MICAL3: variants seen among roughly 807,000 people sequenced by gnomAD.
The protein encoded by MICAL3 is [F-actin]-monooxygenase MICAL3.
Under a neutral mutation model 207.4 loss-of-function variants are expected in MICAL3, and 62 were observed. The observed-to-expected ratio is 0.30, with a 90% CI of 0.24 to 0.37. MICAL3 has a LOEUF of 0.37. MICAL3 is among the 10% of genes least tolerant of loss of function. The probability of loss-of-function intolerance (pLI) is 1.00; values close to 1 mark genes in which losing one functional copy is unlikely to be tolerated. For missense variants in MICAL3, 2,368 were observed against 2,635.6 expected (o/e 0.90, Z 2.22); for synonymous variants, 1,077 against 1,069.3 (o/e 1.01, Z -0.14).
At chr22:17,791,966 G>A (rs1235607783) in intron 29 of MICAL3, among the ~76,000 whole-genome samples, 2 of 152,242 alleles carry the variant, frequency 1.3e-5, no homozygotes, top group South Asian at 2.1e-4. Context: ...AGCAGCCCCT[G>A]GGGATGGAAG....
chr22:17,966,598 T>C (rs1935154258), intron 1 of MICAL3, among the ~76,000 whole-genome samples: 1 of 152,192 alleles, frequency 6.6e-6, no homozygotes, highest in South Asian at 2.1e-4. Flanking sequence ...GGAGTTGGAC[T>C]GAGATTAATC....
intron 1 of MICAL3, among the ~76,000 whole-genome samples, chr22:17,958,536 C>T (rs1208413552): frequency 6.6e-6 from 1 of 152,108 alleles, no homozygotes; most frequent in Non-Finnish European, 1.5e-5. Context: ...TCCCCTACCC[C>T]AAAAACCAGA....
intron 1 of MICAL3, among the ~76,000 whole-genome samples, chr22:17,964,972 A>C (rs1185796468): frequency 6.6e-6 from 1 of 152,078 alleles, no homozygotes; most frequent in East Asian, 1.9e-4. Context: ...ACACTCCAAA[A>C]CAGAAACGCC....
At position 17,810,808 on chromosome 22, in the gene MICAL3, T is replaced by C. The variant is rs202024301; in HGVS notation, c.5451A>G (p.Arg1817=). 6.2e-7 allele frequency: 1 copy of C among 1,613,680 alleles called. No homozygotes were observed. Among genetic ancestry groups the C allele is most frequent in the Admixed American group, 1.7e-5 (1 of 60,012 alleles). Reference sequence around the variant, plus strand: ...CATTCAGTTCCTCCTCCGTGTAGGTTCTTGGCTGGAGAGAACAAGAGAAAC... The same window carrying C: ...CATTCAGTTCCTCCTCCGTGTAGGTCCTTGGCTGGAGAGAACAAGAGAAAC... The part of the protein sequence containing the change: ...KSSQKSRREP[R]TYTEEELNAK... The change falls in exon 28 of 32, where the codon AGA becomes AGG. Residue 1817 remains arginine (R), a synonymous_variant. Coordinates refer to ENST00000441493, the MANE Select transcript of MICAL3 (RefSeq NM_015241.3).
chr22:17,811,504 G>C (rs976593760), intron 27 of MICAL3: 1 of 152,364 alleles, frequency 6.6e-6, no homozygotes, highest in African/African-American at 2.4e-5. Context: ...GAAGAAGAGA[G>C]GTTGTGGCCT....
chr22:18,011,995 A>T lies in MICAL3; in HGVS notation c.-75+12286T>A, dbSNP rs529301234. On this transcript the variant is annotated intron_variant, in intron 1 of 31. Transcript: ENST00000441493. Reference sequence around the variant, plus strand: ...CACACCTGTAATCCTAGCACTTTGAAAGGCCAAGGTGGGCAGATCACCTGA... The same window carrying T: ...CACACCTGTAATCCTAGCACTTTGATAGGCCAAGGTGGGCAGATCACCTGA... Among the ~76,000 whole-genome samples, 289 of 151,954 alleles carry T rather than the reference A, an allele frequency of 1.9e-3. 1 individual carries two copies. The highest frequency in any genetic ancestry group is 3.1e-3 in the Non-Finnish European group (209 of 67,942).
At chr22:17,815,081 T>C (rs2062090361) in intron 27 of MICAL3, 1 of 152,294 alleles carries the variant, frequency 6.6e-6, no homozygotes. Context: ...TAGTATTCCG[T>C]ATGTGACGTC....
At chr22:17,811,745 C>G (rs559504755) in intron 27 of MICAL3, among the ~76,000 whole-genome samples, 1 of 152,168 alleles carries the variant, frequency 6.6e-6, no homozygotes, top group Non-Finnish European at 1.5e-5. Flanking sequence ...AACAAGGAGA[C>G]TATATAAAAG....
At position 17,886,109 on chromosome 22, in the gene MICAL3, C is replaced by T. The variant is rs958136986; in HGVS notation, c.2068-58G>A. ...TGTGACAGGAGGCTCCCCCCATGCC[C>T]CTCCCTCACAGAAGTGCACTCAGGA... On this transcript the variant is annotated intron_variant, in intron 15 of 31. Transcript: ENST00000441493. The T allele has an allele frequency of 8.8e-6, 14 of 1,586,016 alleles. No individual in the cohort carries two copies. In the South Asian group the frequency reaches 1.1e-4, roughly 13 times the overall value.
At chr22:17,934,631 T>G (rs1283155924) in intron 1 of MICAL3, among the ~76,000 whole-genome samples, 1 of 152,082 alleles carries the variant, frequency 6.6e-6, no homozygotes, top group Non-Finnish European at 1.5e-5. Context: ...GAGAAAGAAA[T>G]AAAGGGTATT....
intron 1 of MICAL3, among the ~76,000 whole-genome samples, chr22:17,968,376 C>A (rs1392402684): frequency 3.9e-5 from 6 of 152,154 alleles, no homozygotes; most frequent in Non-Finnish European, 1.5e-5. Context: ...GGTGAGGACA[C>A]TCCACGGGGG....
In MICAL3 at chr22:17,889,377, T is replaced by C. The variant is rs1360775216; in HGVS notation, c.1695-147A>G. 3 of 529,298 alleles carry C rather than the reference T, an allele frequency of 5.7e-6. No homozygotes were observed. In the East Asian group the frequency reaches 9.3e-5, roughly 16 times the overall value. 32.8% of individuals were successfully genotyped at this position (529,298 alleles called of 1,614,324 possible). A position where few individuals can be genotyped will look rare whatever the true frequency, so the allele number is the denominator to read the frequency against. ...CTGACATTTGAGAGCAAACCTGTCT[T>C]ATCTCACCTCTTGTTCTTTTTCTTT... On this transcript the variant is annotated intron_variant, in intron 12 of 31. Transcript: ENST00000441493.
At chr22:17,985,775 C>T (rs1920977161) in intron 1 of MICAL3, among the ~76,000 whole-genome samples, 1 of 152,152 alleles carries the variant, frequency 6.6e-6, no homozygotes, top group South Asian at 2.1e-4. Flanking sequence ...TCAGAGTCTG[C>T]AGAGGCCACT....
Position 17,818,333 on chromosome 22 carries a change from T to A in MICAL3, c.4328A>T (p.Gln1443Leu). The change falls in exon 26 of 32, where the codon CAG becomes CTG. Residue 1443 changes from glutamine to leucine, a missense_variant. Gln to Leu is a moderately radical substitution (Grantham distance 113, BLOSUM62 -2). Coordinates refer to ENST00000441493, the MANE Select transcript of MICAL3 (RefSeq NM_015241.3). ...GGCGGAGTCCGAGGTGTTGAAGCTCTGGCTGCCCAGTGTCTTCATGTTGGA... is the reference window on the plus strand; with the variant it reads ...GGCGGAGTCCGAGGTGTTGAAGCTCAGGCTGCCCAGTGTCTTCATGTTGGA... ...SSSNMKTLGS[Q>L]SFNTSDSAML... 6.3e-7 allele frequency: 1 copy of A among 1,588,238 alleles called. No individual in the cohort carries two copies. Among genetic ancestry groups the A allele is most frequent in the Non-Finnish European group, 8.5e-7 (1 of 1,170,466 alleles).
At chr22:17,989,900 C>A (rs1385606272) in intron 1 of MICAL3, among the ~76,000 whole-genome samples, 1 of 152,158 alleles carries the variant, frequency 6.6e-6, no homozygotes, top group Non-Finnish European at 1.5e-5. Context: ...ACCATCTATG[C>A]CTATTTCATC....
chr22:17,828,948 T>C (rs572380773), intron 21 of MICAL3, among the ~76,000 whole-genome samples: 1 of 152,236 alleles, frequency 6.6e-6, no homozygotes, highest in South Asian at 2.1e-4. Flanking sequence ...GAATGTGAAA[T>C]GGGCAGAAAG....
At chr22:17,956,120 G>A (rs1370468166) in intron 1 of MICAL3, among the ~76,000 whole-genome samples, 1 of 151,742 alleles carries the variant, frequency 6.6e-6, no homozygotes, top group Non-Finnish European at 1.5e-5. Context: ...GCACACACAT[G>A]CCTGTGTCAG....
intron 8 of MICAL3, 141 bp from the exon 9 acceptor site, chr22:17,896,502 T>G: frequency 1.3e-6 from 1 of 745,548 alleles, no homozygotes; most frequent in Admixed American, 2.6e-5. Flanking sequence ...CTTCCCAGAT[T>G]GGCAAGGAGT....
chr22:17,991,963 T>C (rs766311816), intron 1 of MICAL3, among the ~76,000 whole-genome samples: 18 of 152,182 alleles, frequency 1.2e-4, no homozygotes, highest in African/African-American at 4.1e-4. Context: ...AAAGGAGCCG[T>C]AGAAGCAGCA....
Sources: gnomAD v4.1 joint callset for allele counts (sites outside exome capture counted in the v4.1 genomes callset) on GRCh38, gnomAD v4.1.1 for gene constraint, MANE v1.5 for transcripts, NCBI Gene and HGNC (gene_info 2026-07-23, HGNC 2026-07-21) for gene names.